EFCAB5: variants seen among roughly 807,000 people sequenced by gnomAD.
EFCAB5 encodes EF-hand calcium binding domain 5, also known as EF-hand calcium-binding domain-containing protein 5.
Under a neutral mutation model 167.9 loss-of-function variants are expected in EFCAB5, and 131 were observed. That is an observed-to-expected ratio of 0.78 (90% CI 0.68 to 0.90). The LOEUF (loss-of-function observed/expected upper bound fraction) is 0.90, where lower values mean the gene tolerates loss of function less well. EFCAB5 is among the 40% of genes least tolerant of loss of function. The pLI, the probability that EFCAB5 is intolerant of heterozygous loss-of-function variation, is 0.00. For synonymous variants in EFCAB5, 574 were observed against 602.8 expected (o/e 0.95, Z 0.70); for missense variants, 1,663 against 1,745.2 (o/e 0.95, Z 0.84).
intron 16 of EFCAB5, among the ~76,000 whole-genome samples, 192 bp from the exon 17 acceptor site, chr17:30,080,561 T>TTTTG (rs1567765221): frequency 6.6e-6 from 1 of 151,360 alleles, no homozygotes; most frequent in Non-Finnish European, 1.5e-5. Flanking sequence ...TTTTTTTTTT[T>TTTTG]TTTGTTTGTT....
chr17:30,042,561 A>C (rs183677196), intron 8 of EFCAB5, among the ~76,000 whole-genome samples: 1 of 152,196 alleles, frequency 6.6e-6, no homozygotes, highest in Non-Finnish European at 1.5e-5. Flanking sequence ...AATTCCTTAA[A>C]AGACACAAAT....
chr17:30,003,067 G>C (rs920279468), intron 7 of EFCAB5, among the ~76,000 whole-genome samples: 2 of 124,552 alleles, frequency 1.6e-5, no homozygotes, highest in Admixed American at 1.8e-4. Context: ...CTGAGATTCT[G>C]TTATTTCTTT....
chr17:30,089,039 C>T (rs746858965), intron 19 of EFCAB5, among the ~76,000 whole-genome samples: 7 of 152,030 alleles, frequency 4.6e-5, no homozygotes, highest in African/African-American at 1.5e-4. Context: ...GTGCTGCGCC[C>T]GTTAACTTGT....
At chr17:30,036,487 C>T (rs1029100741) in intron 8 of EFCAB5, among the ~76,000 whole-genome samples, 2 of 150,542 alleles carry the variant, frequency 1.3e-5, no homozygotes, top group Non-Finnish European at 3.0e-5. Flanking sequence ...TAGAATGCAG[C>T]GGCATCATCA....
At chr17:29,974,950 A>G (rs1344909649) in intron 4 of EFCAB5, among the ~76,000 whole-genome samples, 1 of 152,044 alleles carries the variant, frequency 6.6e-6, no homozygotes, top group Admixed American at 6.6e-5. Flanking sequence ...CAGCACTTTG[A>G]GAAGGTGAGG....
At chr17:30,102,299 G>T (rs923757464) in intron 22 of EFCAB5, among the ~76,000 whole-genome samples, 1 of 152,140 alleles carries the variant, frequency 6.6e-6, no homozygotes, top group Non-Finnish European at 1.5e-5. Flanking sequence ...GAGGCAATGG[G>T]AGTAGGAATT....
At chr17:30,035,116 G>A (rs1319349454) in intron 8 of EFCAB5, among the ~76,000 whole-genome samples, 4 of 152,138 alleles carry the variant, frequency 2.6e-5, no homozygotes, top group Non-Finnish European at 5.9e-5. Context: ...TTAGATTCCT[G>A]CTAATTTAAA....
chr17:29,987,918 G>T (rs2068324014), intron 4 of EFCAB5, among the ~76,000 whole-genome samples: 2 of 152,166 alleles, frequency 1.3e-5, no homozygotes, highest in African/African-American at 2.4e-5. Flanking sequence ...ATGTACATAA[G>T]CTAGTCTCCC....
At chr17:30,025,256 C>T (rs980139702) in intron 7 of EFCAB5, among the ~76,000 whole-genome samples, 11 of 150,866 alleles carry the variant, frequency 7.3e-5, no homozygotes, top group South Asian at 2.1e-4. Context: ...AGAAAATTTT[C>T]GCAACCTACT....
chr17:30,090,678 T>C lies in EFCAB5; in HGVS notation c.3937+4T>C. 6.2e-7 allele frequency: 1 copy of C among 1,609,116 alleles called. No homozygotes were observed. The highest frequency in any genetic ancestry group is 8.5e-7 in the Non-Finnish European group (1 of 1,178,210). On this transcript the variant is annotated splice_donor_region_variant and intron_variant, in intron 20 of 22. Coordinates refer to ENST00000394835, the MANE Select transcript of EFCAB5 (RefSeq NM_198529.4). ...ATAAAGAAAAAATATATCTTAGGTA[T>C]CGTTCATGTGGCATCAGTCTAAATT...
chr17:29,989,729 C>T (rs1396391778), intron 4 of EFCAB5, among the ~76,000 whole-genome samples: 2 of 152,136 alleles, frequency 1.3e-5, no homozygotes, highest in Non-Finnish European at 2.9e-5. Flanking sequence ...AGCTATGTGT[C>T]CTTTTTCTAA....
intron 4 of EFCAB5, among the ~76,000 whole-genome samples, chr17:29,984,265 C>G (rs1280942627): frequency 1.3e-5 from 2 of 151,304 alleles, no homozygotes; most frequent in Non-Finnish European, 2.9e-5. Flanking sequence ...GAAAAAGCAG[C>G]AGAGGATGAA....
intron 18 of EFCAB5, among the ~76,000 whole-genome samples, chr17:30,084,818 C>T (rs2151840313): frequency 6.6e-6 from 1 of 152,264 alleles, no homozygotes; most frequent in South Asian, 2.1e-4. Flanking sequence ...CAACAGGACA[C>T]TGGAGGGCAG....
In EFCAB5 at chr17:30,092,900, GA is replaced by G; in HGVS notation, c.4287del (p.Val1430LeufsTer40). 6.2e-7 allele frequency: 1 copy of G among 1,611,642 alleles called. No individual in the cohort carries two copies. Among genetic ancestry groups the G allele is most frequent in the Non-Finnish European group, 8.5e-7 (1 of 1,178,936 alleles). ...CAFDPTAKHV[E>X]VNVQLIDEYI... The stretch of plus-strand genomic sequence containing the variant: ...CTTTGATCCAACTGCCAAGCATGTG[GA>G]AGTTAATGTACAGCTTATTGATGAA... On this transcript the variant is annotated frameshift_variant, in exon 22 of 23. Transcript: ENST00000394835. LOFTEE classifies it low-confidence loss of function (END_TRUNC).
Position 29,993,259 on chromosome 17 carries a change from GCT to G in EFCAB5, c.865_866del (p.Leu289AlafsTer6). On this transcript the variant is annotated frameshift_variant, in exon 5 of 23. Coordinates refer to ENST00000394835, the MANE Select transcript of EFCAB5 (RefSeq NM_198529.4). LOFTEE classifies it high-confidence loss of function. ...IVKVANTRKQ[A>X]LQEQFDEWIL... is the part of the protein sequence containing the mutation. ...CAAGGTGGCCAACACACGGAAACAG[GCT>G]CTGCAGGAGCAATTCGATGAATGGA... is the stretch of plus-strand genomic sequence containing the variant. The G allele has an allele frequency of 1.9e-6, 3 of 1,613,894 alleles. No homozygotes were observed. In the South Asian group the frequency reaches 3.3e-5, roughly 18 times the overall value.
intron 7 of EFCAB5, among the ~76,000 whole-genome samples, chr17:30,019,588 A>G (rs1391553728): frequency 6.6e-6 from 1 of 151,716 alleles, no homozygotes; most frequent in Admixed American, 6.6e-5. Flanking sequence ...TGGGATTACA[A>G]GTGCCTGCCA....
Position 30,055,907 on chromosome 17 carries a change from T to C in EFCAB5, c.2214T>C (p.Val738=), listed in dbSNP as rs1421956564. The part of the protein sequence containing the change: ...DHFPETTKKE[V]QKDKPCEPKS... The stretch of plus-strand genomic sequence containing the variant: ...TTTTAGAAACTACAAAAAAGGAAGT[T>C]CAGAAAGACAAGCCCTGTGAACCCA... Residue 738 remains valine, a synonymous_variant, in exon 11 of 23, where the codon GTT becomes GTC. Coordinates refer to ENST00000394835, the MANE Select transcript of EFCAB5 (RefSeq NM_198529.4). 1 of 1,613,208 alleles carries C rather than the reference T, an allele frequency of 6.2e-7. No homozygotes were observed. Among genetic ancestry groups the C allele is most frequent in the South Asian group, 1.1e-5 (1 of 90,872 alleles).
chr17:29,944,898 C>T (rs545806075), intron 3 of EFCAB5, among the ~76,000 whole-genome samples: 15 of 152,220 alleles, frequency 9.9e-5, no homozygotes, highest in African/African-American at 3.4e-4. Flanking sequence ...GTTGGGATTA[C>T]AAGTATGAGC....
intron 7 of EFCAB5, among the ~76,000 whole-genome samples, chr17:30,031,390 C>T (rs570745535): frequency 2.6e-5 from 4 of 152,108 alleles, no homozygotes; most frequent in East Asian, 1.9e-4. Context: ...CTTTGAGAAC[C>T]GCTGATCTTG....
Sources: allele counts gnomAD v4.1 joint callset (sites outside exome capture counted in the v4.1 genomes callset), GRCh38; gene constraint gnomAD v4.1.1; transcripts MANE v1.5; gene names NCBI Gene and HGNC (gene_info 2026-07-23, HGNC 2026-07-21).